EPHA6: variants seen among roughly 807,000 people sequenced by gnomAD.
EPHA6 encodes ephrin type-A receptor 6.
EPHA6 carries 50 observed loss-of-function variants against 112.0 expected under a neutral mutation model. The ratio of observed to expected loss-of-function variants is 0.45; its 90% CI spans 0.36 to 0.56. EPHA6 has a LOEUF of 0.56. Among genes scored for constraint, EPHA6 ranks in the 20% least tolerant of loss-of-function variants. EPHA6 has a pLI of 0.00. For missense variants in EPHA6, 1,280 were observed against 1,417.4 expected, an observed-to-expected ratio of 0.90 and a Z score of 1.56; for synonymous variants, 529 against 490.7, an observed-to-expected ratio of 1.08 and a Z score of -1.03.
intron 11 of EPHA6, among the ~76,000 whole-genome samples, chr3:97,564,702 A>T (rs1254214234): frequency 1.3e-5 from 2 of 152,206 alleles, no homozygotes; most frequent in Non-Finnish European, 1.5e-5. Context: ...AAAGAAAAGA[A>T]GATGTGAATT....
intron 14 of EPHA6, among the ~76,000 whole-genome samples, chr3:97,650,075 C>A (rs2094096692): frequency 6.6e-6 from 1 of 152,114 alleles, no homozygotes; most frequent in South Asian, 2.1e-4. Flanking sequence ...GTCTCCACAT[C>A]TTGAGCCCAT....
intron 3 of EPHA6, 114 bp from the exon 4 acceptor site, chr3:97,226,150 G>A: frequency 1.3e-6 from 1 of 798,694 alleles, no homozygotes; most frequent in Non-Finnish European, 1.9e-6. Flanking sequence ...CTATGTATGT[G>A]TAACACTGTA....
At chr3:97,045,743 G>A (rs1181724578) in intron 3 of EPHA6, among the ~76,000 whole-genome samples, 3 of 151,966 alleles carry the variant, frequency 2.0e-5, no homozygotes, top group Admixed American at 1.3e-4. Context: ...TTTTTGAAAA[G>A]TAGTGATTTT....
At chr3:96,825,030 A>G (rs1046108973) in intron 1 of EPHA6, among the ~76,000 whole-genome samples, 4 of 152,048 alleles carry the variant, frequency 2.6e-5, no homozygotes, top group South Asian at 2.1e-4. Flanking sequence ...AGCTTGAGTT[A>G]TACATGGGAA....
At chr3:97,656,874 C>T (rs1459551194) in intron 14 of EPHA6, among the ~76,000 whole-genome samples, 1 of 151,876 alleles carries the variant, frequency 6.6e-6, no homozygotes, top group Non-Finnish European at 1.5e-5. Flanking sequence ...TTCACTGTAC[C>T]TAGTTTTGCT....
rs191521267 is a variant in EPHA6 at position 97,641,862 on chromosome 3, G to A, written c.2784+3780G>A. On this transcript the variant is annotated intron_variant, in intron 14 of 17. Coordinates refer to ENST00000389672, the MANE Select transcript of EPHA6 (RefSeq NM_001080448.3). ...CTGCAAGGCGGCAGCGAGGCTGGGG[G>A]AGGGGCGCCCGCCATTGCCCAGGCT... is the stretch of plus-strand genomic sequence containing the variant. Among the ~76,000 whole-genome samples the A allele has an allele frequency of 9.9e-3, 1,509 of 152,072 alleles. 81 individuals are homozygous for A. The highest frequency in any genetic ancestry group is 0.08 in the Admixed American group (1,226 of 15,270).
intron 3 of EPHA6, among the ~76,000 whole-genome samples, chr3:97,049,676 C>T (rs558900979): frequency 6.6e-6 from 1 of 152,216 alleles, no homozygotes; most frequent in South Asian, 2.1e-4. Flanking sequence ...TTATTTGGCT[C>T]AGGATTCTGA....
At chr3:96,915,680 T>C (rs2039448719) in intron 2 of EPHA6, among the ~76,000 whole-genome samples, 1 of 152,120 alleles carries the variant, frequency 6.6e-6, no homozygotes, top group Non-Finnish European at 1.5e-5. Context: ...CCTTTCCCTT[T>C]ATGCTATAGA....
intron 5 of EPHA6, among the ~76,000 whole-genome samples, chr3:97,401,025 C>T (rs1358351030): frequency 1.3e-5 from 2 of 151,734 alleles, no homozygotes; most frequent in African/African-American, 4.8e-5. Context: ...TTCAACTTTT[C>T]CCCATTCAGT....
Position 97,327,983 on chromosome 3 carries a change from A to G in EPHA6, c.1607-77167A>G, listed in dbSNP as rs541896564. ...TGTGTATATATATGTATATGTGCAT[A>G]TATATGTATATGTGTATGTATATGT... On this transcript the variant is annotated intron_variant, in intron 5 of 17. Transcript: ENST00000389672. 1.5e-3 allele frequency among the ~76,000 whole-genome samples: 214 copies of G among 140,608 alleles called. 1 individual carries two copies. The highest frequency in any genetic ancestry group is 2.6e-3 in the Non-Finnish European group (173 of 67,094). The allele number at this position is 140,608 out of a possible 152,430, so 92.2% of individuals were successfully genotyped here. A position where few individuals can be genotyped will look rare whatever the true frequency, so the allele number is the denominator to read the frequency against.
At chr3:97,495,913 C>T (rs930097931) in intron 10 of EPHA6, among the ~76,000 whole-genome samples, 6 of 152,150 alleles carry the variant, frequency 3.9e-5, no homozygotes, top group Non-Finnish European at 8.8e-5. Context: ...TATGGCCGTA[C>T]TTTTTCCCTG....
chr3:97,171,436 C>G (rs1205436363), intron 3 of EPHA6, among the ~76,000 whole-genome samples: 1 of 151,528 alleles, frequency 6.6e-6, no homozygotes, highest in Non-Finnish European at 1.5e-5. Context: ...AATTGAATCA[C>G]CTATATTTAT....
At chr3:97,561,766 A>T (rs1223700452) in intron 11 of EPHA6, among the ~76,000 whole-genome samples, 1 of 152,114 alleles carries the variant, frequency 6.6e-6, no homozygotes, top group African/African-American at 2.4e-5. Flanking sequence ...GAAATTTCAT[A>T]AGTAGAGAGA....
At chr3:97,078,954 G>T (rs969437913) in intron 3 of EPHA6, among the ~76,000 whole-genome samples, 1 of 152,132 alleles carries the variant, frequency 6.6e-6, no homozygotes, top group African/African-American at 2.4e-5. Context: ...ACAGTGTGGC[G>T]ATTCCTCAAA....
chr3:96,822,678 C>T lies in EPHA6; in HGVS notation c.385+7670C>T, dbSNP rs138433119. Among the ~76,000 whole-genome samples, 144 of 150,448 alleles carry T rather than the reference C, an allele frequency of 9.6e-4. 1 individual carries two copies. Among genetic ancestry groups the T allele is most frequent in the African/African-American group, 3.2e-3 (132 of 41,286 alleles). ...GGATATCTGGATAAAAAGTAAGATACTTTATATATAATTTAAAAGTATATT... is the reference window on the plus strand; with the variant it reads ...GGATATCTGGATAAAAAGTAAGATATTTTATATATAATTTAAAAGTATATT... On this transcript the variant is annotated intron_variant, in intron 1 of 17. Transcript: ENST00000389672.
At chr3:97,108,585 A>C (rs944119575) in intron 3 of EPHA6, among the ~76,000 whole-genome samples, 3 of 152,162 alleles carry the variant, frequency 2.0e-5, no homozygotes, top group African/African-American at 7.2e-5. Flanking sequence ...GAGATCTAAG[A>C]GATGAAGGGA....
chr3:97,607,323 C>T (rs1165681764), intron 12 of EPHA6, among the ~76,000 whole-genome samples: 1 of 150,946 alleles, frequency 6.6e-6, no homozygotes, highest in African/African-American at 2.4e-5. Context: ...ATAGTTTATC[C>T]ACATCACCTT....
At chr3:97,076,882 G>A (rs2046544513) in intron 3 of EPHA6, among the ~76,000 whole-genome samples, 1 of 152,064 alleles carries the variant, frequency 6.6e-6, no homozygotes, top group South Asian at 2.1e-4. Context: ...TCTATTTATA[G>A]CATGGTTTAC....
chr3:97,004,578 C>CA (rs2043804034), intron 3 of EPHA6, among the ~76,000 whole-genome samples: 1 of 152,128 alleles, frequency 6.6e-6, no homozygotes, highest in South Asian at 2.1e-4. Flanking sequence ...AATTTTCTCC[C>CA]ATTCTGTAGG....
Sources: gnomAD v4.1 joint callset for allele counts (sites outside exome capture counted in the v4.1 genomes callset) on GRCh38, gnomAD v4.1.1 for gene constraint, MANE v1.5 for transcripts, NCBI Gene and HGNC (gene_info 2026-07-23, HGNC 2026-07-21) for gene names.